FHIT: variants seen among roughly 807,000 people sequenced by gnomAD.
FHIT encodes the protein fragile histidine triad diadenosine triphosphatase.
Under a neutral mutation model 17.9 loss-of-function variants are expected in FHIT, and 19 were observed. The ratio of observed to expected loss-of-function variants is 1.06; its 90% confidence interval spans 0.74 to 1.56. FHIT has a LOEUF of 1.56. Among genes scored for constraint, FHIT ranks in the 40% most tolerant of loss-of-function variants. The probability of loss-of-function intolerance (pLI) is 0.00; values close to 1 mark genes in which losing one functional copy is unlikely to be tolerated. For missense variants in FHIT, 248 were observed against 189.2 expected (o/e 1.31, Z -1.82); for synonymous variants, 81 against 69.7 (o/e 1.16, Z -0.81).
At chr3:60,831,582 C>G (rs1302778359) in intron 3 of FHIT, among the ~76,000 whole-genome samples, 1 of 150,576 alleles carries the variant, frequency 6.6e-6, no homozygotes, top group African/African-American at 2.5e-5. Context: ...ACCTCTGCCA[C>G]CAGCTTCAGA....
At chr3:60,423,706 A>G (rs375054481) in intron 5 of FHIT, among the ~76,000 whole-genome samples, 12 of 152,138 alleles carry the variant, frequency 7.9e-5, no homozygotes, top group African/African-American at 2.6e-4. Context: ...ACTCACCCCA[A>G]CTCCTTCTAC....
chr3:60,680,512 T>C (rs1423420127), intron 4 of FHIT, among the ~76,000 whole-genome samples: 1 of 152,074 alleles, frequency 6.6e-6, no homozygotes, highest in Admixed American at 6.6e-5. Context: ...GATTAACATT[T>C]TCATGGTAAA....
At chr3:60,124,193 C>T (rs573748519) in intron 5 of FHIT, among the ~76,000 whole-genome samples, 1 of 150,988 alleles carries the variant, frequency 6.6e-6, no homozygotes, top group East Asian at 2.0e-4. Context: ...ACTGGGATTA[C>T]AGGCATGAAC....
At chr3:60,677,842 T>C (rs1269480691) in intron 4 of FHIT, among the ~76,000 whole-genome samples, 1 of 152,178 alleles carries the variant, frequency 6.6e-6, no homozygotes, top group South Asian at 2.1e-4. Context: ...TCAATCTTAC[T>C]ATTCATTATT....
In FHIT at chr3:61,182,627, T is replaced by C. The variant is rs144256521; in HGVS notation, c.-164+17990A>G. On this transcript the variant is annotated intron_variant, in intron 2 of 9. Coordinates refer to ENST00000492590, the MANE Select transcript of FHIT (RefSeq NM_002012.4). ...GTTTAAATTCATACTAGAGAGTAAA[T>C]GAATGATAGAATTCTCAACACCCCT... Among the ~76,000 whole-genome samples the C allele has an allele frequency of 1.1e-3, 164 of 152,248 alleles. 3 individuals carry two copies. The highest frequency in any genetic ancestry group is 3.6e-3 in the African/African-American group (150 of 41,522).
chr3:60,117,493 C>CT (rs1456602258), intron 5 of FHIT, among the ~76,000 whole-genome samples: 6 of 75,216 alleles, frequency 8.0e-5, no homozygotes, highest in Non-Finnish European at 1.2e-4. Flanking sequence ...TACTTCCTAT[C>CT]TAAAAAAAAA....
At chr3:60,237,108 C>T (rs980590146) in intron 5 of FHIT, among the ~76,000 whole-genome samples, 2 of 152,016 alleles carry the variant, frequency 1.3e-5, no homozygotes, top group African/African-American at 4.8e-5. Flanking sequence ...TCTTACAAAT[C>T]CTAGATCATA....
At chr3:60,111,710 A>C (rs1020757859) in intron 5 of FHIT, among the ~76,000 whole-genome samples, 5 of 152,186 alleles carry the variant, frequency 3.3e-5, no homozygotes, top group Non-Finnish European at 7.4e-5. Context: ...CAAACTACCC[A>C]CTGAAGAAGT....
chr3:60,170,522 T>C (rs1255832675), intron 5 of FHIT, among the ~76,000 whole-genome samples: 1 of 152,182 alleles, frequency 6.6e-6, no homozygotes, highest in East Asian at 1.9e-4. Context: ...GACCATGTTT[T>C]GCTCACCAGT....
intron 5 of FHIT, among the ~76,000 whole-genome samples, chr3:60,265,621 T>A (rs1191128661): frequency 6.6e-6 from 1 of 151,944 alleles, no homozygotes; most frequent in Admixed American, 6.6e-5. Flanking sequence ...AGGACATCAT[T>A]AATAAAGTGA....
At chr3:60,556,284 G>C (rs1476255988) in intron 4 of FHIT, among the ~76,000 whole-genome samples, 2 of 152,180 alleles carry the variant, frequency 1.3e-5, no homozygotes, top group Non-Finnish European at 2.9e-5. Flanking sequence ...GAGCACCAAA[G>C]ACAGACCCAG....
At position 60,370,492 on chromosome 3, in the gene FHIT, C is replaced by T. The variant is rs903643481; in HGVS notation, c.103+166368G>A. The stretch of plus-strand genomic sequence containing the variant: ...CCTCCTCAAGAGTTTAAATATTCAT[C>T]TAGATATCCACCTTGAATTCAAAAA... On this transcript the variant is annotated intron_variant, in intron 5 of 9. Coordinates refer to ENST00000492590, the MANE Select transcript of FHIT (RefSeq NM_002012.4). Among the ~76,000 whole-genome samples, 5 of 152,180 alleles carry T rather than the reference C, an allele frequency of 3.3e-5. No individual in the cohort carries two copies. The East Asian group carries it at 9.6e-4, about 29-fold the overall frequency.
At chr3:59,935,317 G>A (rs1706181551) in intron 7 of FHIT, among the ~76,000 whole-genome samples, 2 of 152,086 alleles carry the variant, frequency 1.3e-5, no homozygotes, top group South Asian at 4.2e-4. Context: ...ACATGTGCTT[G>A]GTAGAAAAAA....
In FHIT at chr3:59,747,893, T is replaced by G. The variant is rs1261526619; in HGVS notation, c.*1692A>C. Among the ~76,000 whole-genome samples, 2 of 152,180 alleles carry G rather than the reference T, an allele frequency of 1.3e-5. No individual in the cohort carries two copies. Among genetic ancestry groups the G allele is most frequent in the Non-Finnish European group, 2.9e-5 (2 of 68,016 alleles). On this transcript the variant is annotated 3_prime_UTR_variant, in exon 10 of 10. Transcript: ENST00000492590. ...TTTAAGATCTGGCCTCCACTGCTGT[T>G]TCTCCAAAGTTGGGAGTCAGTCATA...
intron 3 of FHIT, among the ~76,000 whole-genome samples, chr3:60,924,699 C>G (rs1219539035): frequency 6.6e-6 from 1 of 152,170 alleles, no homozygotes; most frequent in Non-Finnish European, 1.5e-5. Flanking sequence ...CGGAACAAAG[C>G]TGGACGGAGA....
chr3:61,187,595 C>G (rs933243909), intron 2 of FHIT, among the ~76,000 whole-genome samples: 2 of 152,188 alleles, frequency 1.3e-5, no homozygotes, highest in Non-Finnish European at 2.9e-5. Flanking sequence ...TAGACATCTA[C>G]AGAACTCTCC....
At chr3:61,222,350 C>T (rs34045993) in intron 1 of FHIT, among the ~76,000 whole-genome samples, 49,718 of 152,086 alleles carry the variant, frequency 0.33, 10,405 homozygotes, top group Non-Finnish European at 0.46. Context: ...CACCTACCAC[C>T]AGGGAGGTGG....
At chr3:61,108,784 G>A (rs2036067224) in intron 2 of FHIT, among the ~76,000 whole-genome samples, 1 of 152,144 alleles carries the variant, frequency 6.6e-6, no homozygotes, top group Non-Finnish European at 1.5e-5. Flanking sequence ...GTGTGGGTGT[G>A]GCAGCCATAG....
At position 60,625,727 on chromosome 3, in the gene FHIT, A is replaced by G. The variant is rs114710914; in HGVS notation, c.-17-88748T>C. Among the ~76,000 whole-genome samples, 782 of 152,310 alleles carry G rather than the reference A, an allele frequency of 5.1e-3. 10 individuals are homozygous for G. The highest frequency in any genetic ancestry group is 0.018 in the African/African-American group (752 of 41,578). ...TCTGGATGTTATCCATGGAAACACA[A>G]AAGTTTTTAATGCTTGTGTCTTTTT... On this transcript the variant is annotated intron_variant, in intron 4 of 9. Coordinates refer to ENST00000492590, the MANE Select transcript of FHIT (RefSeq NM_002012.4).
Sources: gnomAD v4.1 joint callset for allele counts (sites outside exome capture counted in the v4.1 genomes callset) on GRCh38, gnomAD v4.1.1 for gene constraint, MANE v1.5 for transcripts, NCBI Gene and HGNC (gene_info 2026-07-23, HGNC 2026-07-21) for gene names.